NEK1: variants seen among roughly 807,000 people sequenced by gnomAD.
NEK1 encodes the protein NIMA related kinase 1, also known as serine/threonine-protein kinase Nek1.
In NEK1, 137 loss-of-function variants were observed where a neutral mutation model predicts 182.1. That is an observed-to-expected ratio of 0.75 (90% confidence interval 0.65 to 0.87). NEK1 has a LOEUF of 0.87. Ranked by LOEUF, NEK1 falls within the 40% of genes least tolerant of loss-of-function variation. NEK1 has a pLI of 0.00. For missense variants in NEK1, 1,391 were observed against 1,494.4 expected (o/e 0.93, Z 1.14); for synonymous variants, 513 against 492.2 (o/e 1.04, Z -0.56).
intron 31 of NEK1, among the ~76,000 whole-genome samples, chr4:169,414,644 C>A (rs965345225): frequency 2.6e-5 from 4 of 152,098 alleles, no homozygotes; most frequent in Non-Finnish European, 4.4e-5. Context: ...GGAATGTGGA[C>A]CACCAGCAGC....
At chr4:169,444,200 A>G (rs1740059277) in intron 27 of NEK1, among the ~76,000 whole-genome samples, 1 of 151,862 alleles carries the variant, frequency 6.6e-6, no homozygotes, top group Non-Finnish European at 1.5e-5. Flanking sequence ...ATAAAAGAGA[A>G]AGAAAAGAAC....
chr4:169,582,178 C>G (rs1202145985), intron 10 of NEK1, among the ~76,000 whole-genome samples: 1 of 151,910 alleles, frequency 6.6e-6, no homozygotes, highest in African/African-American at 2.4e-5. Flanking sequence ...TTCAAGAGAA[C>G]TGATTCTTGG....
intron 28 of NEK1, among the ~76,000 whole-genome samples, chr4:169,436,813 C>T (rs935280188): frequency 1.2e-4 from 19 of 152,196 alleles, no homozygotes; most frequent in Non-Finnish European, 2.4e-4. Flanking sequence ...CTTGCAGACC[C>T]TCTTTGATAG....
chr4:169,584,311 C>A (rs1460773118), intron 10 of NEK1, among the ~76,000 whole-genome samples: 3 of 152,020 alleles, frequency 2.0e-5, no homozygotes, highest in African/African-American at 7.2e-5. Flanking sequence ...ATATAAATTA[C>A]GTTAATAACA....
intron 19 of NEK1, among the ~76,000 whole-genome samples, chr4:169,518,647 C>G (rs1038326114): frequency 1.9e-5 from 2 of 103,162 alleles, no homozygotes; most frequent in Non-Finnish European, 3.6e-5. Context: ...GGATTTAGTG[C>G]TATAAATTTC....
At chr4:169,610,789 G>A (rs1242522705) in intron 2 of NEK1, among the ~76,000 whole-genome samples, 1 of 152,214 alleles carries the variant, frequency 6.6e-6, no homozygotes, top group East Asian at 1.9e-4. Flanking sequence ...TCTATAGACA[G>A]GCTGTCTTGA....
chr4:169,607,517 C>T (rs1300200076), intron 2 of NEK1, among the ~76,000 whole-genome samples: 2 of 151,904 alleles, frequency 1.3e-5, no homozygotes, highest in East Asian at 3.9e-4. Context: ...GGCTGGAGTG[C>T]AGTGGCGCAG....
intron 35 of NEK1, among the ~76,000 whole-genome samples, chr4:169,395,618 T>C (rs1485981578): frequency 6.6e-5 from 10 of 152,226 alleles, no homozygotes; most frequent in Admixed American, 6.5e-4. Context: ...CACTGGACTA[T>C]AATTTACTTA....
intron 27 of NEK1, among the ~76,000 whole-genome samples, chr4:169,448,246 C>G (rs902218626): frequency 1.3e-5 from 2 of 151,880 alleles, no homozygotes; most frequent in African/African-American, 4.8e-5. Context: ...AAAATTACAA[C>G]TTTTTGAGAG....
intron 27 of NEK1, among the ~76,000 whole-genome samples, chr4:169,462,484 G>A (rs1744149004): frequency 6.6e-6 from 1 of 152,066 alleles, no homozygotes; most frequent in African/African-American, 2.4e-5. Context: ...TCAGTAACAT[G>A]TGTATAGGTT....
intron 18 of NEK1, among the ~76,000 whole-genome samples, chr4:169,545,267 T>C (rs1347349599): frequency 1.4e-5 from 2 of 142,396 alleles, no homozygotes; most frequent in Non-Finnish European, 3.0e-5. Flanking sequence ...GGTGATCTCA[T>C]TGTTCAATTC....
At chr4:169,585,241 G>A in intron 10 of NEK1, 108 bp downstream of exon 10, 1 of 705,860 alleles carries the variant, frequency 1.4e-6, no homozygotes, top group Middle Eastern at 3.0e-4. Context: ...GTTTGAAAAA[G>A]GCACACCATT....
chr4:169,399,920 C>T lies in NEK1; in HGVS notation c.3847+305G>A, dbSNP rs938532433. ...AATCACAAGCATAAACCACGGCACC[C>T]GGCTAGGATTATTCTAATTGCTAGA... On this transcript the variant is annotated intron_variant, in intron 35 of 35. Transcript: ENST00000507142. Among the ~76,000 whole-genome samples the T allele has an allele frequency of 6.6e-5, 10 of 152,118 alleles. No individual in the cohort carries two copies. The East Asian group carries it at 9.6e-4, about 15-fold the overall frequency.
intron 19 of NEK1, among the ~76,000 whole-genome samples, chr4:169,515,431 T>C (rs555447488): frequency 1.3e-5 from 2 of 152,324 alleles, no homozygotes; most frequent in South Asian, 4.1e-4. Context: ...TTCAGCTCTA[T>C]TAGTTTCTGC....
chr4:169,562,205 A>G lies in NEK1; in HGVS notation c.1021-9T>C. On this transcript the variant is annotated splice_polypyrimidine_tract_variant and intron_variant, in intron 12 of 35. Transcript: ENST00000507142. ...TCTGGAGTTTGATGGGCCTGGACAAAAAGTAAAACTACAAATTAAATAAAG... is the reference window on the plus strand; with the variant it reads ...TCTGGAGTTTGATGGGCCTGGACAAGAAGTAAAACTACAAATTAAATAAAG... 2 of 1,512,634 alleles carry G rather than the reference A, an allele frequency of 1.3e-6. No homozygotes were observed. The highest frequency in any genetic ancestry group is 1.8e-6 in the Non-Finnish European group (2 of 1,126,710). The allele number at this position is 1,512,634 out of a possible 1,614,324, so 93.7% of individuals were successfully genotyped here.
intron 31 of NEK1, among the ~76,000 whole-genome samples, chr4:169,412,351 T>C (rs1045758335): frequency 6.6e-6 from 1 of 152,216 alleles, no homozygotes; most frequent in Admixed American, 6.5e-5. Flanking sequence ...TGTCCTACCT[T>C]TGTTTCTTCT....
At chr4:169,401,569 C>T in intron 33 of NEK1, 83 bp downstream of exon 33, 1 of 1,212,838 alleles carries the variant, frequency 8.2e-7, no homozygotes, top group Non-Finnish European at 1.2e-6. Flanking sequence ...GGAAATGGTT[C>T]ACAGCAGAGA....
chr4:169,493,621 C>A (rs1182700531), intron 23 of NEK1, among the ~76,000 whole-genome samples: 1 of 152,144 alleles, frequency 6.6e-6, no homozygotes, highest in African/African-American at 2.4e-5. Context: ...AATTAAAAAA[C>A]TCACTATGGG....
chr4:169,407,369 G>A (rs1472318998), intron 31 of NEK1, among the ~76,000 whole-genome samples: 1 of 152,202 alleles, frequency 6.6e-6, no homozygotes, highest in Non-Finnish European at 1.5e-5. Context: ...GGTGAAATGA[G>A]GGGCCTCAAA....
Sources: allele counts gnomAD v4.1 joint callset (sites outside exome capture counted in the v4.1 genomes callset), GRCh38; gene constraint gnomAD v4.1.1; transcripts MANE v1.5; gene names NCBI Gene and HGNC (gene_info 2026-07-23, HGNC 2026-07-21).